The following SPAG1 variants were observed in gnomAD, a reference collection of about 807,000 sequenced individuals.
SPAG1 encodes sperm-associated antigen 1.
SPAG1 carries 69 observed loss-of-function variants against 100.5 expected under a neutral mutation model. That is an observed-to-expected ratio of 0.69 (90% CI 0.57 to 0.84). The LOEUF is 0.84. Among genes scored for constraint, SPAG1 ranks in the 40% least tolerant of loss-of-function variants. The pLI is 0.00. For synonymous variants in SPAG1, 336 were observed against 411.6 expected (o/e 0.82, Z 2.22); for missense variants, 955 against 1,133.1 (o/e 0.84, Z 2.26).
At chr8:100,233,612 C>G in intron 16 of SPAG1, 75 bp downstream of exon 16, 1 of 1,418,888 alleles carries the variant, frequency 7.0e-7, no homozygotes. Context: ...CATAAATCTC[C>G]AGATCTTGGG....
intron 10 of SPAG1, among the ~76,000 whole-genome samples, chr8:100,209,319 TTCCTACTATATATATAA>T (rs1233130708): frequency 2.0e-5 from 3 of 148,364 alleles, no homozygotes; most frequent in African/African-American, 7.4e-5. Flanking sequence ...TATATATATA[TTCCTACTATATATATAA>T]TCCTACTAAT....
intron 11 of SPAG1, 44 bp from the exon 12 acceptor site, chr8:100,213,775 T>C (rs1197275211): frequency 8.1e-7 from 1 of 1,241,118 alleles, no homozygotes; most frequent in Non-Finnish European, 1.2e-6. Context: ...AACTGTGATC[T>C]TGCTAATGGA....
intron 2 of SPAG1, among the ~76,000 whole-genome samples, chr8:100,163,407 C>CT (rs781486782): frequency 1.3e-3 from 190 of 141,478 alleles, no homozygotes; most frequent in Middle Eastern, 3.6e-3. Flanking sequence ...TTCTTTCTTT[C>CT]TTTTTTTTTT....
In SPAG1 at chr8:100,217,918, G is replaced by A. The variant is rs188172307; in HGVS notation, c.1536-2361G>A. Among the ~76,000 whole-genome samples, 107 of 152,230 alleles carry A rather than the reference G, an allele frequency of 7.0e-4. 1 individual carries two copies. Among genetic ancestry groups the A allele is most frequent in the Non-Finnish European group, 6.0e-4 (41 of 68,024 alleles). ...GTACCTCAGCCTCCCAAGTAGCTGG[G>A]ATTACAGGTGTGCACCACCTAACCC... On this transcript the variant is annotated intron_variant, in intron 12 of 18. Transcript: ENST00000388798.
chr8:100,230,377 T>C (rs948257016), intron 14 of SPAG1, among the ~76,000 whole-genome samples: 2 of 152,216 alleles, frequency 1.3e-5, no homozygotes, highest in South Asian at 2.1e-4. Flanking sequence ...CGTGTACCAC[T>C]GTAAAAGCGC....
intron 1 of SPAG1, among the ~76,000 whole-genome samples, chr8:100,161,861 T>G (rs2453648): frequency 0.38 from 57,408 of 152,170 alleles, 11,119 homozygotes; most frequent in East Asian, 0.51. Context: ...GACATATGGC[T>G]TAGAAGGTAT....
At chr8:100,179,823 T>C (rs1816287780) in intron 4 of SPAG1, among the ~76,000 whole-genome samples, 1 of 152,228 alleles carries the variant, frequency 6.6e-6, no homozygotes, top group Non-Finnish European at 1.5e-5. Flanking sequence ...AGCACTTCCC[T>C]GCATAGTCAA....
At chr8:100,210,295 G>A (rs1247843573) in intron 10 of SPAG1, among the ~76,000 whole-genome samples, 2 of 151,728 alleles carry the variant, frequency 1.3e-5, no homozygotes, top group Admixed American at 6.6e-5. Flanking sequence ...CTGTTAATGA[G>A]GTGTGTTGGC....
intron 3 of SPAG1, among the ~76,000 whole-genome samples, 166 bp from the exon 4 acceptor site, chr8:100,177,650 G>A (rs541383390): frequency 4.6e-5 from 7 of 151,352 alleles, no homozygotes; most frequent in Non-Finnish European, 1.0e-4. Context: ...TTTTCAAATC[G>A]TCACAAATCT....
intron 6 of SPAG1, among the ~76,000 whole-genome samples, chr8:100,184,380 C>G (rs887995393): frequency 6.6e-6 from 1 of 152,014 alleles, no homozygotes; most frequent in African/African-American, 2.4e-5. Flanking sequence ...AAAGATGGGG[C>G]AGTTTATTGG....
At chr8:100,212,982 T>A (rs1817784035) in intron 10 of SPAG1, 108 bp from the exon 11 acceptor site, 1 of 899,492 alleles carries the variant, frequency 1.1e-6, no homozygotes, top group Non-Finnish European at 1.5e-6. Context: ...CGAGCCGGCT[T>A]CCCTAGAGCC....
intron 13 of SPAG1, 73 bp downstream of exon 13, chr8:100,220,504 A>T (rs1818221453): frequency 3.3e-6 from 4 of 1,223,278 alleles, no homozygotes; most frequent in South Asian, 2.9e-5. Context: ...CTTCAAGAAC[A>T]TGTCAAAATA....
At chr8:100,158,243 A>G (rs2453646), upstream of SPAG1, 58,383 of 152,178 alleles carry the variant, frequency 0.38, 11,499 homozygotes, top group East Asian at 0.51. Context: ...GCGAGGGAGA[A>G]GGAGCGATGG....
intron 12 of SPAG1, among the ~76,000 whole-genome samples, chr8:100,219,702 G>C (rs1284853476): frequency 3.3e-5 from 5 of 152,202 alleles, no homozygotes; most frequent in Non-Finnish European, 7.3e-5. Context: ...TACATCTTTA[G>C]TGATATTGGA....
chr8:100,218,874 T>TG (rs1818133655), intron 12 of SPAG1, among the ~76,000 whole-genome samples: 1 of 152,192 alleles, frequency 6.6e-6, no homozygotes, highest in African/African-American at 2.4e-5. Context: ...GCAGTGTTTG[T>TG]ATGTGTACTG....
chr8:100,200,579 T>C (rs1365890585), intron 10 of SPAG1, among the ~76,000 whole-genome samples: 1 of 152,182 alleles, frequency 6.6e-6, no homozygotes, highest in Non-Finnish European at 1.5e-5. Flanking sequence ...TAAAAGCGTT[T>C]CTATTTCTCC....
At chr8:100,211,025 A>G (rs1194576641) in intron 10 of SPAG1, among the ~76,000 whole-genome samples, 1 of 151,634 alleles carries the variant, frequency 6.6e-6, no homozygotes, top group Non-Finnish European at 1.5e-5. Context: ...GACAGGGTTC[A>G]CCATGTTGGC....
chr8:100,220,491 C>A, intron 13 of SPAG1, 60 bp downstream of exon 13: 1 of 1,393,378 alleles, frequency 7.2e-7, no homozygotes, highest in Non-Finnish European at 9.9e-7. Flanking sequence ...TTCCCTTCCC[C>A]TCCTTCAAGA....
chr8:100,212,996 C>T (rs1024209211), intron 10 of SPAG1, 94 bp from the exon 11 acceptor site: 12 of 1,036,306 alleles, frequency 1.2e-5, no homozygotes, highest in South Asian at 6.3e-5. Flanking sequence ...TAGAGCCCGC[C>T]CTCCGCGTCC....
Sources: allele counts gnomAD v4.1 joint callset (sites outside exome capture counted in the v4.1 genomes callset), GRCh38; gene constraint gnomAD v4.1.1; transcripts MANE v1.5; gene names NCBI Gene and HGNC (gene_info 2026-07-23, HGNC 2026-07-21).